Variants in ENTPD5 observed in about 807,000 individuals in gnomAD.
ENTPD5 encodes nucleoside diphosphate phosphatase ENTPD5.
In ENTPD5, 49 loss-of-function variants were observed where a neutral mutation model predicts 60.2. The ratio of observed to expected loss-of-function variants is 0.81; its 90% CI spans 0.65 to 1.03. ENTPD5 has a LOEUF of 1.03. ENTPD5 is among the 50% of genes least tolerant of loss of function. The pLI, the probability that ENTPD5 is intolerant of heterozygous loss-of-function variation, is 0.00. For synonymous variants in ENTPD5, 187 were observed against 185.4 expected (o/e 1.01, Z -0.07); for missense variants, 480 against 507.6 (o/e 0.95, Z 0.52).
intron 5 of ENTPD5, among the ~76,000 whole-genome samples, chr14:73,985,826 C>T (rs2057877034): frequency 2.0e-5 from 3 of 152,130 alleles, no homozygotes; most frequent in Admixed American, 2.0e-4. Flanking sequence ...GTAATCCCAG[C>T]ACTTTGAGAG....
chr14:74,010,119 G>A (rs1489896438), intron 3 of ENTPD5, among the ~76,000 whole-genome samples: 1 of 152,116 alleles, frequency 6.6e-6, no homozygotes, highest in Admixed American at 6.5e-5. Context: ...AGAGAAAGGA[G>A]TCTCGCTATG....
At position 74,017,185 on chromosome 14, in the gene ENTPD5, G is replaced by A. The variant is rs148659382; in HGVS notation, c.-237-1255C>T. 8.9e-3 allele frequency among the ~76,000 whole-genome samples: 1,359 copies of A among 152,342 alleles called. 19 individuals carry two copies. The highest frequency in any genetic ancestry group is 0.031 in the African/African-American group (1,299 of 41,570). ...ATTACAAAAGTAGCCGGGCATGGTGGCGCATGCCTGGATTCCCAGCTACTC... is the reference window on the plus strand; with the variant it reads ...ATTACAAAAGTAGCCGGGCATGGTGACGCATGCCTGGATTCCCAGCTACTC... On this transcript the variant is annotated intron_variant, in intron 1 of 15. Transcript: ENST00000334696.
chr14:74,009,722 GCCTCAA>G (rs1356443305), intron 3 of ENTPD5, among the ~76,000 whole-genome samples: 1 of 152,136 alleles, frequency 6.6e-6, no homozygotes, highest in East Asian at 1.9e-4. Flanking sequence ...CAATCCTCCT[GCCTCAA>G]CCTCCCAGAG....
intron 15 of ENTPD5, among the ~76,000 whole-genome samples, chr14:73,967,743 T>C (rs2057040017): frequency 7.2e-6 from 1 of 138,536 alleles, no homozygotes; most frequent in Admixed American, 8.0e-5. Flanking sequence ...GAGGTTGCAG[T>C]GAACTGAGAT....
chr14:73,976,693 A>T (rs1311223188), intron 8 of ENTPD5, among the ~76,000 whole-genome samples: 1 of 151,738 alleles, frequency 6.6e-6, no homozygotes, highest in Non-Finnish European at 1.5e-5. Context: ...GCTCACTGCA[A>T]CCTCTGCCTC....
chr14:74,017,598 T>G (rs2059070927), intron 1 of ENTPD5, among the ~76,000 whole-genome samples: 1 of 146,874 alleles, frequency 6.8e-6, no homozygotes, highest in African/African-American at 2.5e-5. Context: ...AAAAAAAAAT[T>G]TTACAGCCGG....
rs1220773394 is a variant in ENTPD5 at position 73,974,399 on chromosome 14, C to A, written c.785-421G>T. Among the ~76,000 whole-genome samples, 3 of 152,326 alleles carry A rather than the reference C, an allele frequency of 2.0e-5. No homozygotes were observed. The East Asian group carries it at 5.8e-4, about 29-fold the overall frequency. ...ATACTCTGAAATGCAAAATAGATGT[C>A]ATCCCAATAACAGATTACTGTACAA... On this transcript the variant is annotated intron_variant, in intron 11 of 15. Transcript: ENST00000334696.
At chr14:73,986,082 A>AG (rs1195649027) in intron 5 of ENTPD5, 1 of 151,816 alleles carries the variant, frequency 6.6e-6, no homozygotes, top group Non-Finnish European at 1.5e-5. Flanking sequence ...AAAAAAAAAA[A>AG]AAAAAGAAAA....
intron 3 of ENTPD5, among the ~76,000 whole-genome samples, chr14:73,988,847 G>A (rs1307597226): frequency 1.3e-5 from 2 of 151,354 alleles, no homozygotes; most frequent in Non-Finnish European, 2.9e-5. Context: ...TTTTTGAGAC[G>A]GACTCTCACT....
chr14:74,008,628 C>T (rs551367791), intron 3 of ENTPD5, among the ~76,000 whole-genome samples: 4 of 152,184 alleles, frequency 2.6e-5, no homozygotes, highest in African/African-American at 9.6e-5. Context: ...ATCTCCTGAC[C>T]TCATGATCCA....
intron 6 of ENTPD5, among the ~76,000 whole-genome samples, chr14:73,981,367 T>C (rs971288845): frequency 7.3e-5 from 11 of 151,374 alleles, no homozygotes; most frequent in Non-Finnish European, 1.2e-4. Flanking sequence ...GGCGTGGTGG[T>C]GCATGCCTAT....
chr14:73,995,869 T>C (rs1285562401), intron 3 of ENTPD5, among the ~76,000 whole-genome samples: 2 of 152,092 alleles, frequency 1.3e-5, no homozygotes, highest in African/African-American at 4.8e-5. Flanking sequence ...TATCTCTTAT[T>C]CACCCCCCAA....
In ENTPD5 at chr14:74,012,132, T is replaced by G. The variant is rs541375035; in HGVS notation, c.-130-982A>C. On this transcript the variant is annotated intron_variant, in intron 2 of 15. Coordinates refer to ENST00000334696, the MANE Select transcript of ENTPD5 (RefSeq NM_001249.5). ...TTATTTTTATTTTTTTGAGATGGAGTCTCACTCTGTCATCCAGGCTGGAGT... is the reference window on the plus strand; with the variant it reads ...TTATTTTTATTTTTTTGAGATGGAGGCTCACTCTGTCATCCAGGCTGGAGT... Among the ~76,000 whole-genome samples the G allele has an allele frequency of 1.3e-3, 194 of 152,156 alleles. 1 individual carries two copies. Among genetic ancestry groups the G allele is most frequent in the African/African-American group, 4.4e-3 (184 of 41,524 alleles).
chr14:73,961,508 T>C (rs759273299), downstream of ENTPD5: 1 of 1,614,148 alleles, frequency 6.2e-7, no homozygotes, highest in Non-Finnish European at 8.5e-7. Flanking sequence ...AACATGGGCT[T>C]TGGGGATATC....
chr14:73,986,296 C>T (rs1165273560), intron 5 of ENTPD5: 3 of 153,800 alleles, frequency 2.0e-5, no homozygotes, highest in Admixed American at 6.4e-5. Flanking sequence ...GTTGTAGATG[C>T]TCAAATGTGA....
intron 3 of ENTPD5, among the ~76,000 whole-genome samples, chr14:73,989,239 G>C (rs1272060463): frequency 2.6e-5 from 4 of 152,152 alleles, no homozygotes; most frequent in Non-Finnish European, 5.9e-5. Flanking sequence ...GACCAGCTTT[G>C]GCAACATAGC....
downstream of ENTPD5, chr14:73,961,874 C>T (rs778072498): frequency 3.1e-6 from 5 of 1,614,172 alleles, no homozygotes; most frequent in South Asian, 4.4e-5. Context: ...GTGGGGCTTG[C>T]AGGCCACAAA....
chr14:73,988,108 T>C lies in ENTPD5; in HGVS notation c.-6A>G, dbSNP rs771501728. On this transcript the variant is annotated 5_prime_UTR_variant, in exon 4 of 16. Coordinates refer to ENST00000334696, the MANE Select transcript of ENTPD5 (RefSeq NM_001249.5). ...GTGCCCCAAGAAGTGGCCATTCTTTTCCCAAGATGTGGCTGGGTGGAGGCT... is the reference window on the plus strand; with the variant it reads ...GTGCCCCAAGAAGTGGCCATTCTTTCCCCAAGATGTGGCTGGGTGGAGGCT... The C allele has an allele frequency of 1.9e-6, 3 of 1,606,352 alleles. No individual in the cohort carries two copies. The highest frequency in any genetic ancestry group is 2.2e-5 in the East Asian group (1 of 44,744).
At chr14:73,972,026 C>T (rs1330759239) in intron 13 of ENTPD5, 118 bp from the exon 14 acceptor site, 10 of 716,012 alleles carry the variant, frequency 1.4e-5, no homozygotes, top group Admixed American at 4.3e-5. Flanking sequence ...ACCTAATTTA[C>T]TTATTTACAA....
Sources: allele counts gnomAD v4.1 joint callset (sites outside exome capture counted in the v4.1 genomes callset), GRCh38; gene constraint gnomAD v4.1.1; transcripts MANE v1.5; gene names NCBI Gene and HGNC (gene_info 2026-07-23, HGNC 2026-07-21).